Variants in PPP2R2B observed in about 807,000 individuals in gnomAD.
The protein encoded by PPP2R2B is serine/threonine-protein phosphatase 2A 55 kDa regulatory subunit B beta isoform.
PPP2R2B carries 5 observed loss-of-function variants against 46.0 expected under a neutral mutation model. That is an observed-to-expected ratio of 0.11 (90% CI 0.06 to 0.23). PPP2R2B has a LOEUF of 0.23. Ranked by LOEUF, PPP2R2B falls within the 10% of genes least tolerant of loss-of-function variation. The pLI, the probability that PPP2R2B is intolerant of heterozygous loss-of-function variation, is 1.00. For synonymous variants in PPP2R2B, 215 were observed against 206.7 expected, an observed-to-expected ratio of 1.04 and a Z score of -0.34; for missense variants, 367 against 575.0, an observed-to-expected ratio of 0.64 and a Z score of 3.70.
intron 1 of PPP2R2B, among the ~76,000 whole-genome samples, chr5:146,957,350 G>C (rs1399669287): frequency 6.6e-6 from 1 of 152,112 alleles, no homozygotes; most frequent in Non-Finnish European, 1.5e-5. Context: ...TCAGAATGAG[G>C]GACAGCCATG....
rs192355462 is a variant in PPP2R2B, at chr5:146,733,676, G to C, written c.71-32534C>G. 2.1e-3 allele frequency among the ~76,000 whole-genome samples: 318 copies of C among 151,510 alleles called. 1 individual carries two copies. The highest frequency in any genetic ancestry group is 7.2e-3 in the African/African-American group (293 of 40,932). ...AACCAGTTTGAGAAGGTCATAAGTAGATCTGGGGCAAGGAAAACAAAACCA... is the reference window on the plus strand; with the variant it reads ...AACCAGTTTGAGAAGGTCATAAGTACATCTGGGGCAAGGAAAACAAAACCA... On this transcript the variant is annotated intron_variant, in intron 2 of 9. Coordinates refer to ENST00000394411, the MANE Select transcript of PPP2R2B (RefSeq NM_181675.4).
chr5:146,656,858 A>G (rs940520338), intron 5 of PPP2R2B, among the ~76,000 whole-genome samples: 2 of 151,988 alleles, frequency 1.3e-5, no homozygotes, highest in African/African-American at 2.4e-5. Context: ...ATGGGACTCT[A>G]TCCTCCCTCA....
At chr5:146,593,084 A>C (rs550778853) in intron 8 of PPP2R2B, 22 bp from the exon 9 acceptor site, 8 of 1,555,474 alleles carry the variant, frequency 5.1e-6, no homozygotes, top group Non-Finnish European at 7.1e-6. Flanking sequence ...ACATATCGAG[A>C]AGGTCAGTTA....
At chr5:146,998,305 A>T (rs915781531) in intron 1 of PPP2R2B, among the ~76,000 whole-genome samples, 4 of 152,260 alleles carry the variant, frequency 2.6e-5, no homozygotes, top group African/African-American at 9.6e-5. Flanking sequence ...GTGAAAATGC[A>T]GGTGCTTCAA....
upstream of PPP2R2B, among the ~76,000 whole-genome samples, chr5:147,059,337 C>A (rs936786599): frequency 6.6e-6 from 1 of 152,156 alleles, no homozygotes; most frequent in African/African-American, 2.4e-5. Context: ...TGAAAAGAAA[C>A]ACCTCCTGTT....
intron 2 of PPP2R2B, among the ~76,000 whole-genome samples, chr5:146,746,581 T>C (rs776293679): frequency 6.6e-6 from 1 of 152,210 alleles, no homozygotes; most frequent in Non-Finnish European, 1.5e-5. Flanking sequence ...CCAGGACGAC[T>C]CTGTCTGCTC....
intron 1 of PPP2R2B, among the ~76,000 whole-genome samples, chr5:146,926,547 T>G (rs1763788668): frequency 6.6e-6 from 1 of 152,058 alleles, no homozygotes; most frequent in Non-Finnish European, 1.5e-5. Context: ...TCCGATTTTA[T>G]TTTTAAACTT....
chr5:147,012,284 A>G (rs1754776128), intron 1 of PPP2R2B, among the ~76,000 whole-genome samples: 1 of 152,160 alleles, frequency 6.6e-6, no homozygotes, highest in African/African-American at 2.4e-5. Context: ...CAGAGATTCA[A>G]CTTCTTCCTG....
At chr5:146,701,917 C>T (rs1319928810) in intron 2 of PPP2R2B, among the ~76,000 whole-genome samples, 1 of 152,078 alleles carries the variant, frequency 6.6e-6, no homozygotes, top group African/African-American at 2.4e-5. Context: ...ATGCTGGTTA[C>T]CCCTGGAGGA....
chr5:147,038,039 C>T (rs1325638833), intron 1 of PPP2R2B, among the ~76,000 whole-genome samples: 1 of 152,144 alleles, frequency 6.6e-6, no homozygotes, highest in Non-Finnish European at 1.5e-5. Flanking sequence ...GAGAAGCTGG[C>T]ACTCAGATTG....
intron 1 of PPP2R2B, among the ~76,000 whole-genome samples, chr5:147,002,168 G>A (rs1271781108): frequency 1.3e-5 from 2 of 152,058 alleles, no homozygotes. Flanking sequence ...ATGATTTCTA[G>A]TATAAACTCC....
intron 1 of PPP2R2B, among the ~76,000 whole-genome samples, chr5:146,933,229 TTATTTCC>T: frequency 6.6e-6 from 1 of 152,248 alleles, no homozygotes; most frequent in East Asian, 1.9e-4. Flanking sequence ...GGTTGTAAAG[TTATTTCC>T]TAAGATTTTT....
At chr5:146,859,789 T>C (rs1355546811) in intron 2 of PPP2R2B, among the ~76,000 whole-genome samples, 2 of 152,130 alleles carry the variant, frequency 1.3e-5, no homozygotes, top group Non-Finnish European at 2.9e-5. Flanking sequence ...TCTTTGGGTT[T>C]CTATTCAAAT....
At chr5:146,741,035 CAAAA>C (rs34289574) in intron 2 of PPP2R2B, among the ~76,000 whole-genome samples, 18 of 142,568 alleles carry the variant, frequency 1.3e-4, no homozygotes, top group African/African-American at 4.4e-4. Context: ...GACTCCGTCT[CAAAA>C]AAAAAAAAAA....
At chr5:146,837,486 A>T (rs758305888) in intron 2 of PPP2R2B, among the ~76,000 whole-genome samples, 6 of 152,270 alleles carry the variant, frequency 3.9e-5, no homozygotes, top group Non-Finnish European at 7.3e-5. Context: ...TGATGTGGCT[A>T]TAAGGTGGCA....
chr5:146,849,198 A>G (rs994353455), intron 2 of PPP2R2B, among the ~76,000 whole-genome samples: 4 of 152,184 alleles, frequency 2.6e-5, no homozygotes, highest in African/African-American at 9.6e-5. Flanking sequence ...TGCTACTGGG[A>G]TGCCATTTCT....
Position 146,990,669 on chromosome 5 carries a change from G to A in PPP2R2B, c.79+64996C>T, listed in dbSNP as rs1004623546. ...AAATTGGAGTAGGCAAAGATTTTTCGAATAAGACTGCAAAAGCACAGAAAC... is the reference window on the plus strand; with the variant it reads ...AAATTGGAGTAGGCAAAGATTTTTCAAATAAGACTGCAAAAGCACAGAAAC... On this transcript the variant is annotated intron_variant, in intron 1 of 8. Transcript: ENST00000336640. Among the ~76,000 whole-genome samples the A allele has an allele frequency of 5.3e-5, 8 of 152,086 alleles. No individual in the cohort carries two copies. The South Asian group carries it at 6.2e-4, about 12-fold the overall frequency.
chr5:146,865,770 T>G (rs1761277203), intron 2 of PPP2R2B, among the ~76,000 whole-genome samples: 1 of 152,302 alleles, frequency 6.6e-6, no homozygotes, highest in East Asian at 1.9e-4. Context: ...TAAAACAACA[T>G]GCCACCTTCC....
chr5:146,878,582 C>T lies in PPP2R2B; in HGVS notation c.-125+9G>A. The T allele has an allele frequency of 8.1e-7, 1 of 1,241,786 alleles. No homozygotes were observed. The highest frequency in any genetic ancestry group is 1.0e-6 in the Non-Finnish European group (1 of 969,842). 76.9% of individuals were successfully genotyped at this position (1,241,786 alleles called of 1,614,324 possible). A position where few individuals can be genotyped will look rare whatever the true frequency, so the allele number is the denominator to read the frequency against. Reference sequence around the variant, plus strand: ...GTGGCGAGATGGCAGGGACAGGATTCAGGCTTGCCTGGCCGGAATGAGGGT... The same window carrying T: ...GTGGCGAGATGGCAGGGACAGGATTTAGGCTTGCCTGGCCGGAATGAGGGT... On this transcript the variant is annotated intron_variant, in intron 1 of 9. Transcript: ENST00000394411. The surrounding 1 kb of genome is among the most constrained non-coding windows in gnomAD (Gnocchi z 4.5).
Sources: gnomAD v4.1 joint callset for allele counts (sites outside exome capture counted in the v4.1 genomes callset) on GRCh38, gnomAD v4.1.1 for gene constraint, Gnocchi (gnomAD v3.1) non-coding constraint, MANE v1.5 for transcripts, NCBI Gene and HGNC (gene_info 2026-07-23, HGNC 2026-07-21) for gene names.